Variants in HPSE2 observed in about 807,000 individuals in gnomAD.
The protein encoded by HPSE2 is inactive heparanase-2.
Under a neutral mutation model 60.5 loss-of-function variants are expected in HPSE2, and 38 were observed. The observed-to-expected ratio is 0.63, with a 90% CI of 0.48 to 0.82. The LOEUF is 0.82. Among genes scored for constraint, HPSE2 ranks in the 40% least tolerant of loss-of-function variants. The pLI is 0.00. For synonymous variants in HPSE2, 295 were observed against 293.2 expected (o/e 1.01, Z -0.06); for missense variants, 713 against 740.4 (o/e 0.96, Z 0.43).
At chr10:99,305,966 C>T in the HPSE2 span, among the ~76,000 whole-genome samples, 49 of 100,928 alleles carry the variant, frequency 4.9e-4, no homozygotes, top group African/African-American at 1.5e-3. Context: ...CACACACGCG[C>T]GCGCGCGCGC....
At chr10:98,964,047 G>A (rs920367008) in intron 3 of HPSE2, among the ~76,000 whole-genome samples, 9 of 152,086 alleles carry the variant, frequency 5.9e-5, no homozygotes, top group Admixed American at 3.9e-4. Flanking sequence ...AGAAGAGCAC[G>A]TCTATTACTA....
intron 8 of HPSE2, among the ~76,000 whole-genome samples, chr10:98,618,049 C>T (rs59344537): frequency 1.3e-5 from 2 of 152,116 alleles, no homozygotes; most frequent in Non-Finnish European, 1.5e-5. Flanking sequence ...CCTACTCCCC[C>T]CCGCCACGAC....
intron 2 of HPSE2, among the ~76,000 whole-genome samples, chr10:99,174,920 A>G (rs543872490): frequency 1.6e-4 from 24 of 152,322 alleles, no homozygotes; most frequent in African/African-American, 5.5e-4. Context: ...TATCCGGTTC[A>G]TCTCACTGGG....
intron 3 of HPSE2, among the ~76,000 whole-genome samples, chr10:98,853,909 C>T (rs190507259): frequency 3.6e-4 from 55 of 152,190 alleles, no homozygotes; most frequent in African/African-American, 1.2e-3. Context: ...AAGTGTAAGA[C>T]AAGTGAAAGG....
intron 3 of HPSE2, among the ~76,000 whole-genome samples, chr10:98,975,584 G>T (rs1956065097): frequency 1.3e-5 from 2 of 152,148 alleles, no homozygotes; most frequent in Admixed American, 6.6e-5. Context: ...TGTTCACTCT[G>T]TTGGATGCCT....
At chr10:99,258,445 G>T in the HPSE2 span, among the ~76,000 whole-genome samples, 3 of 151,696 alleles carry the variant, frequency 2.0e-5, no homozygotes, top group Non-Finnish European at 4.4e-5. Context: ...ATCTTGTTAA[G>T]AGGTCAATTC....
At chr10:98,743,021 G>A (rs569524159) in intron 4 of HPSE2, among the ~76,000 whole-genome samples, 1 of 142,640 alleles carries the variant, frequency 7.0e-6, no homozygotes, top group Non-Finnish European at 1.5e-5. Flanking sequence ...TGCCCAGGCT[G>A]GAGTGTAGTG....
At chr10:99,131,679 T>G (rs1200959017) in intron 3 of HPSE2, among the ~76,000 whole-genome samples, 1 of 152,114 alleles carries the variant, frequency 6.6e-6, no homozygotes, top group African/African-American at 2.4e-5. Flanking sequence ...CACTCATAAG[T>G]TGGAACTAAG....
Position 98,459,525 on chromosome 10 carries a change from G to A in HPSE2, c.*49C>T, listed in dbSNP as rs985047410. On this transcript the variant is annotated 3_prime_UTR_variant, in exon 12 of 12. Transcript: ENST00000370552. ...CAGAGGATACTACTGGAGTGGAGGA[G>A]TGGAAGCAGCCCAGCAGGCCCACTG... The A allele has an allele frequency of 3.1e-6, 5 of 1,596,092 alleles. No homozygotes were observed. Among genetic ancestry groups the A allele is most frequent in the Non-Finnish European group, 4.3e-6 (5 of 1,163,920 alleles).
chr10:98,845,645 ACTTGT>A (rs1049690161), intron 3 of HPSE2, among the ~76,000 whole-genome samples: 63 of 152,282 alleles, frequency 4.1e-4, no homozygotes, highest in African/African-American at 1.5e-3. Context: ...TTCTTAGTTC[ACTTGT>A]CTTGTTTTGT....
chr10:99,164,704 C>G (rs1023431004), intron 2 of HPSE2, among the ~76,000 whole-genome samples: 2 of 152,196 alleles, frequency 1.3e-5, no homozygotes, highest in Admixed American at 6.5e-5. Flanking sequence ...GAAGGACACT[C>G]TAGTCCAACT....
At chr10:98,514,182 C>T (rs1051441263) in intron 9 of HPSE2, among the ~76,000 whole-genome samples, 4 of 151,846 alleles carry the variant, frequency 2.6e-5, no homozygotes, top group Non-Finnish European at 5.9e-5. Flanking sequence ...CACAAAAGGA[C>T]AAATGTTGTA....
intron 5 of HPSE2, among the ~76,000 whole-genome samples, chr10:98,718,479 T>C (rs982134381): frequency 6.6e-6 from 1 of 152,160 alleles, no homozygotes; most frequent in Non-Finnish European, 1.5e-5. Context: ...TCAAAAATAT[T>C]ATGCACACCT....
rs181400003 is a variant in HPSE2, at chr10:98,986,010, C to A, written c.610+158228G>T. 6.0e-3 allele frequency among the ~76,000 whole-genome samples: 919 copies of A among 152,244 alleles called. 7 individuals are homozygous for A. Among genetic ancestry groups the A allele is most frequent in the Middle Eastern group, 0.014 (4 of 294 alleles). On this transcript the variant is annotated intron_variant, in intron 3 of 11. Coordinates refer to ENST00000370552, the MANE Select transcript of HPSE2 (RefSeq NM_021828.5). ...CATAAAGCAAGTCCTTAGAGACCTA[C>A]AAACAGACTTAGACTCCCACACAAT...
intron 3 of HPSE2, among the ~76,000 whole-genome samples, chr10:98,794,527 G>C (rs1282622190): frequency 6.6e-6 from 1 of 152,172 alleles, no homozygotes; most frequent in East Asian, 1.9e-4. Context: ...TTACAGGCAT[G>C]AGCCACTGCA....
intron 2 of HPSE2, among the ~76,000 whole-genome samples, chr10:99,161,968 G>C (rs1412380193): frequency 6.6e-6 from 1 of 152,166 alleles, no homozygotes; most frequent in African/African-American, 2.4e-5. Context: ...TTTATATGAG[G>C]TACCTGGGGT....
chr10:99,180,871 C>T (rs1025161048), intron 2 of HPSE2, among the ~76,000 whole-genome samples: 2 of 98,498 alleles, frequency 2.0e-5, no homozygotes, highest in African/African-American at 8.1e-5. Context: ...GCCTGGGCAA[C>T]AAGGCAAGAC....
At chr10:98,992,937 T>TA (rs1956559653) in intron 3 of HPSE2, among the ~76,000 whole-genome samples, 1 of 152,218 alleles carries the variant, frequency 6.6e-6, no homozygotes, top group Non-Finnish European at 1.5e-5. Flanking sequence ...ATGGGGATAA[T>TA]AGTTATGGGA....
At chr10:98,714,010 G>GTTGGCAAAGTTTTATTTATA (rs1948734858) in intron 5 of HPSE2, among the ~76,000 whole-genome samples, 1 of 151,612 alleles carries the variant, frequency 6.6e-6, no homozygotes, top group African/African-American at 2.4e-5. Flanking sequence ...TATTGCCAAG[G>GTTGGCAAAGTTTTATTTATA]TTGGCAAAGT....
Sources: allele counts gnomAD v4.1 joint callset (sites outside exome capture counted in the v4.1 genomes callset), GRCh38; gene constraint gnomAD v4.1.1; transcripts MANE v1.5; gene names NCBI Gene and HGNC (gene_info 2026-07-23, HGNC 2026-07-21).